Variants in NCKAP5 observed in about 807,000 individuals in gnomAD.
NCKAP5 encodes nck-associated protein 5.
NCKAP5 carries 92 observed loss-of-function variants against 167.0 expected under a neutral mutation model. That is an observed-to-expected ratio of 0.55 (90% CI 0.47 to 0.66). The LOEUF is 0.66. NCKAP5 is among the 30% of genes least tolerant of loss of function. The pLI, the probability that NCKAP5 is intolerant of heterozygous loss-of-function variation, is 0.00. For synonymous variants in NCKAP5, 891 were observed against 877.4 expected, an observed-to-expected ratio of 1.02 and a Z score of -0.27; for missense variants, 2,378 against 2,315.0, an observed-to-expected ratio of 1.03 and a Z score of -0.56.
At chr2:133,480,234 G>A (rs1680304350) in intron 3 of NCKAP5, among the ~76,000 whole-genome samples, 1 of 152,028 alleles carries the variant, frequency 6.6e-6, no homozygotes, top group Non-Finnish European at 1.5e-5. Context: ...ACCTGGCCTA[G>A]GGAATTAGAA....
chr2:133,251,293 T>C (rs2088308917), intron 4 of NCKAP5, among the ~76,000 whole-genome samples: 1 of 152,204 alleles, frequency 6.6e-6, no homozygotes, highest in Non-Finnish European at 1.5e-5. Flanking sequence ...TGAAAGGTCC[T>C]GGAACCAATC....
chr2:132,811,189 C>T (rs1685835244), intron 11 of NCKAP5, among the ~76,000 whole-genome samples: 1 of 152,180 alleles, frequency 6.6e-6, no homozygotes. Context: ...ATGCAGTGGA[C>T]TCCATGAGGG....
chr2:133,039,190 T>A (rs1002856266), intron 6 of NCKAP5, among the ~76,000 whole-genome samples: 1 of 152,186 alleles, frequency 6.6e-6, no homozygotes, highest in Admixed American at 6.6e-5. Flanking sequence ...GATGGGTTTT[T>A]AAGTGTCTCA....
At chr2:133,529,280 GC>G (rs1685169708) in intron 2 of NCKAP5, among the ~76,000 whole-genome samples, 1 of 152,040 alleles carries the variant, frequency 6.6e-6, no homozygotes. Context: ...CCGCAGAGAT[GC>G]TTTTAACAGT....
chr2:133,385,997 G>C (rs1686935733), intron 3 of NCKAP5, among the ~76,000 whole-genome samples: 1 of 152,220 alleles, frequency 6.6e-6, no homozygotes, highest in Non-Finnish European at 1.5e-5. Context: ...CAAAAAACCA[G>C]CTCCTGGATT....
At chr2:133,508,312 T>A (rs1391031632) in intron 3 of NCKAP5, among the ~76,000 whole-genome samples, 2 of 152,204 alleles carry the variant, frequency 1.3e-5, no homozygotes, top group African/African-American at 2.4e-5. Context: ...GAGGAAGATA[T>A]GACAGCCCTC....
intron 4 of NCKAP5, among the ~76,000 whole-genome samples, chr2:133,226,715 C>T (rs1163349568): frequency 6.7e-6 from 1 of 150,358 alleles, no homozygotes; most frequent in African/African-American, 2.5e-5. Context: ...AGAAAGATAG[C>T]CAGCAAACCA....
the NCKAP5 span, among the ~76,000 whole-genome samples, chr2:133,650,188 A>G: frequency 1.3e-5 from 2 of 152,338 alleles, no homozygotes; most frequent in East Asian, 3.9e-4. Context: ...ATAAAATTAC[A>G]AAATATCAAT....
intron 5 of NCKAP5, among the ~76,000 whole-genome samples, chr2:133,189,343 T>A (rs540079077): frequency 1.3e-5 from 2 of 152,280 alleles, no homozygotes; most frequent in East Asian, 3.9e-4. Context: ...ACAGCTGAAT[T>A]CTACCAGAGG....
chr2:133,572,961 A>G (rs1290463736), upstream of NCKAP5, among the ~76,000 whole-genome samples: 1 of 152,236 alleles, frequency 6.6e-6, no homozygotes, highest in Non-Finnish European at 1.5e-5. Flanking sequence ...GATAAAGATC[A>G]TGTAGTTTTG....
At chr2:133,133,204 G>T (rs2082673798) in intron 5 of NCKAP5, among the ~76,000 whole-genome samples, 1 of 152,154 alleles carries the variant, frequency 6.6e-6, no homozygotes, top group East Asian at 1.9e-4. Flanking sequence ...AGGTACTGAA[G>T]AGCAATAAGT....
intron 2 of NCKAP5, among the ~76,000 whole-genome samples, chr2:133,546,026 T>G (rs1438353391): frequency 6.6e-6 from 1 of 152,158 alleles, no homozygotes; most frequent in African/African-American, 2.4e-5. Flanking sequence ...TTTGTCTAAC[T>G]GAAAGGGCAA....
At chr2:133,187,403 T>C (rs756307473) in intron 5 of NCKAP5, among the ~76,000 whole-genome samples, 1 of 151,984 alleles carries the variant, frequency 6.6e-6, no homozygotes, top group Non-Finnish European at 1.5e-5. Context: ...ACACAAAAAA[T>C]TAAAATCCAG....
At chr2:133,093,993 T>C (rs566732041) in intron 6 of NCKAP5, among the ~76,000 whole-genome samples, 2 of 152,210 alleles carry the variant, frequency 1.3e-5, no homozygotes, top group African/African-American at 4.8e-5. Flanking sequence ...TAGCAGGAGG[T>C]CTGAGGCTCT....
At chr2:133,513,290 C>T (rs144581240) in intron 3 of NCKAP5, among the ~76,000 whole-genome samples, 50 of 152,324 alleles carry the variant, frequency 3.3e-4, no homozygotes, top group African/African-American at 1.2e-3. Context: ...GGTTGTCCAA[C>T]AAAAGCTGCA....
rs545875308 is a variant in NCKAP5 at position 132,907,923 on chromosome 2, C to G, written c.580-29007G>C. 5.7e-4 allele frequency among the ~76,000 whole-genome samples: 87 copies of G among 152,248 alleles called. 2 individuals carry two copies. The highest frequency in any genetic ancestry group is 1.9e-3 in the African/African-American group (79 of 41,558). On this transcript the variant is annotated intron_variant, in intron 8 of 19. Coordinates refer to ENST00000409261, the MANE Select transcript of NCKAP5 (RefSeq NM_207363.3). Reference sequence around the variant, plus strand: ...CCTCCTGCCTCATCCTCCCAAAGTGCTGGGATTACAGGCGTGAGCCACCAT... The same window carrying G: ...CCTCCTGCCTCATCCTCCCAAAGTGGTGGGATTACAGGCGTGAGCCACCAT...
chr2:133,176,261 C>G (rs532762066), intron 5 of NCKAP5, among the ~76,000 whole-genome samples: 1 of 152,334 alleles, frequency 6.6e-6, no homozygotes, highest in African/African-American at 2.4e-5. Flanking sequence ...CATGAAAAGC[C>G]ACATCATATC....
chr2:132,930,162 T>A (rs928468067), intron 8 of NCKAP5: 6 of 152,202 alleles, frequency 3.9e-5, no homozygotes, highest in African/African-American at 1.4e-4. Flanking sequence ...ACAGTCACTC[T>A]ATTGACCAGG....
At chr2:132,827,673 G>C (rs149628302) in intron 11 of NCKAP5, among the ~76,000 whole-genome samples, 2 of 152,116 alleles carry the variant, frequency 1.3e-5, no homozygotes, top group African/African-American at 4.8e-5. Context: ...GAGTGTGTGT[G>C]CTTTTCATCT....
Sources: gnomAD v4.1 joint callset for allele counts (sites outside exome capture counted in the v4.1 genomes callset) on GRCh38, gnomAD v4.1.1 for gene constraint, MANE v1.5 for transcripts, NCBI Gene and HGNC (gene_info 2026-07-23, HGNC 2026-07-21) for gene names.